The following MEGF11 variants were observed in gnomAD, a reference collection of about 807,000 sequenced individuals.
MEGF11 encodes the protein multiple EGF like domains 11, also known as multiple epidermal growth factor-like domains protein 11.
Under a neutral mutation model 146.6 loss-of-function variants are expected in MEGF11, and 126 were observed. The ratio of observed to expected loss-of-function variants is 0.86; its 90% CI spans 0.74 to 1.00. The LOEUF (loss-of-function observed/expected upper bound fraction) is 1.00. MEGF11 is among the 50% of genes least tolerant of loss of function. MEGF11 has a pLI of 0.00. For synonymous variants in MEGF11, 532 were observed against 583.4 expected (o/e 0.91, Z 1.27); for missense variants, 1,509 against 1,521.2 (o/e 0.99, Z 0.13).
chr15:65,922,177 C>G (rs2079192094), intron 15 of MEGF11, 161 bp downstream of exon 15: 1 of 765,566 alleles, frequency 1.3e-6, no homozygotes, highest in South Asian at 1.9e-5. Context: ...TTGTCTCATG[C>G]CATGTGGGGC....
chr15:66,075,739 G>C (rs2085548702), intron 5 of MEGF11, among the ~76,000 whole-genome samples: 1 of 152,222 alleles, frequency 6.6e-6, no homozygotes, highest in African/African-American at 2.4e-5. Context: ...AGATCCCTGA[G>C]CTCTCAGATA....
At chr15:66,236,229 G>A (rs1424291930) in intron 1 of MEGF11, among the ~76,000 whole-genome samples, 1 of 152,160 alleles carries the variant, frequency 6.6e-6, no homozygotes, top group Non-Finnish European at 1.5e-5. Context: ...GAAGCGGCTT[G>A]GTGCTACCCA....
At chr15:66,117,800 T>C (rs1269954041) in intron 4 of MEGF11, among the ~76,000 whole-genome samples, 1 of 152,186 alleles carries the variant, frequency 6.6e-6, no homozygotes, top group Non-Finnish European at 1.5e-5. Flanking sequence ...TCATCCTAGC[T>C]CAGTCCTCTG....
In MEGF11 at chr15:65,973,049, G is replaced by A. The variant is rs542082841; in HGVS notation, c.763-2360C>T. Among the ~76,000 whole-genome samples, 234 of 151,878 alleles carry A rather than the reference G, an allele frequency of 1.5e-3. 3 individuals carry two copies. The South Asian group carries it at 0.046, about 30-fold the overall frequency. ...GGAGAATCGCTTGAACCTGGGAGGT[G>A]GAGGTTGCAGTGAGCCAAGATCACA... On this transcript the variant is annotated intron_variant, in intron 7 of 25. Transcript: ENST00000395614.
chr15:65,921,911 C>T (rs1045350504), intron 15 of MEGF11: 37 of 187,632 alleles, frequency 2.0e-4, no homozygotes, highest in African/African-American at 6.7e-4. Flanking sequence ...CTGAATATGA[C>T]GGGGAGAAGG....
At chr15:66,088,230 T>C (rs1008678208) in intron 5 of MEGF11, among the ~76,000 whole-genome samples, 1 of 152,222 alleles carries the variant, frequency 6.6e-6, no homozygotes, top group Non-Finnish European at 1.5e-5. Flanking sequence ...GAGTCACAGC[T>C]GAATTCTACT....
intron 5 of MEGF11, among the ~76,000 whole-genome samples, chr15:66,033,078 C>CAAAAAA (rs60932678): frequency 1.2e-5 from 1 of 80,644 alleles, no homozygotes; most frequent in Non-Finnish European, 2.3e-5. Flanking sequence ...GAGACTCCAT[C>CAAAAAA]AAAAAAAAAA....
chr15:66,000,433 G>A (rs561848748), intron 5 of MEGF11, among the ~76,000 whole-genome samples: 15 of 152,174 alleles, frequency 9.9e-5, no homozygotes, highest in Non-Finnish European at 2.1e-4. Flanking sequence ...TTGGGAGGCC[G>A]ATGTGAAAGG....
chr15:65,934,080 A>G (rs1177477779), intron 10 of MEGF11, among the ~76,000 whole-genome samples: 1 of 151,986 alleles, frequency 6.6e-6, no homozygotes, highest in Admixed American at 6.6e-5. Context: ...ATCACCACAC[A>G]CTACAGGTAT....
At chr15:65,898,658 G>C in intron 25 of MEGF11, 70 bp downstream of exon 25, 1 of 1,595,466 alleles carries the variant, frequency 6.3e-7, no homozygotes, top group Middle Eastern at 2.3e-4. Context: ...TGAGTGGAGA[G>C]GGCTTGCTTT....
At chr15:66,038,339 T>C (rs570956475) in intron 5 of MEGF11, among the ~76,000 whole-genome samples, 50 of 152,290 alleles carry the variant, frequency 3.3e-4, no homozygotes, top group African/African-American at 1.1e-3. Flanking sequence ...TATTTGACCA[T>C]GGGCATGTCA....
At chr15:66,161,395 CT>C (rs921536995) in intron 1 of MEGF11, among the ~76,000 whole-genome samples, 1 of 151,266 alleles carries the variant, frequency 6.6e-6, no homozygotes, top group African/African-American at 2.4e-5. Context: ...ATAATCTCCA[CT>C]TTTTTTTTAG....
At chr15:66,208,502 G>A (rs1446730869) in intron 1 of MEGF11, among the ~76,000 whole-genome samples, 1 of 152,200 alleles carries the variant, frequency 6.6e-6, no homozygotes, top group East Asian at 1.9e-4. Flanking sequence ...AAATGTAAAT[G>A]TTCTAAATAC....
chr15:66,007,513 G>C (rs1487289609), intron 5 of MEGF11, among the ~76,000 whole-genome samples: 3 of 152,206 alleles, frequency 2.0e-5, no homozygotes, highest in Non-Finnish European at 4.4e-5. Flanking sequence ...ACCCTGGGAG[G>C]CTGAGGTGGG....
At chr15:66,217,872 C>T (rs985583896) in intron 1 of MEGF11, among the ~76,000 whole-genome samples, 2 of 152,204 alleles carry the variant, frequency 1.3e-5, no homozygotes, top group African/African-American at 4.8e-5. Context: ...CAGAGAGAGG[C>T]TTGGGCCTCA....
intron 1 of MEGF11, among the ~76,000 whole-genome samples, chr15:66,244,617 C>T (rs901802198): frequency 6.6e-6 from 1 of 152,116 alleles, no homozygotes; most frequent in Non-Finnish European, 1.5e-5. Flanking sequence ...CTCCCAGAGC[C>T]ACGCTTTCCT....
intron 23 of MEGF11, among the ~76,000 whole-genome samples, 160 bp from the exon 24 acceptor site, chr15:65,906,301 C>T (rs2078627359): frequency 6.6e-6 from 1 of 151,898 alleles, no homozygotes; most frequent in Non-Finnish European, 1.5e-5. Flanking sequence ...GTTTAATCTA[C>T]CTGAAATTGT....
rs2080613987 is a variant in MEGF11 at position 65,955,831 on chromosome 15, A to AAATATATATATATATATATATATAG, written c.1287+1715_1287+1716insCTATATATATATATATATATATATT. On this transcript the variant is annotated intron_variant, in intron 10 of 25. Coordinates refer to ENST00000395614, the MANE Select transcript of MEGF11 (RefSeq NM_001385028.1). ...ACACACACAATACTTTAAATATATA[A>AAATATATATATATATATATATATAG]CATGTAATCAATATAACAAAATGAT... Among the ~76,000 whole-genome samples, 3 of 65,086 alleles carry AAATATATATATATATATATATATAG rather than the reference A, an allele frequency of 4.6e-5. No individual in the cohort carries two copies. In the Admixed American group the frequency reaches 5.6e-4, roughly 12 times the overall value. 42.7% of individuals were successfully genotyped at this position (65,086 alleles called of 152,430 possible).
rs1363488069 is a variant in MEGF11 at position 66,197,876 on chromosome 15, A to T, written c.-9+55729T>A. Among the ~76,000 whole-genome samples the T allele has an allele frequency of 2.0e-5, 3 of 152,192 alleles. No homozygotes were observed. The East Asian group carries it at 5.8e-4, about 29-fold the overall frequency. On this transcript the variant is annotated intron_variant, in intron 1 of 25. Transcript: ENST00000395614. ...TTCTCCTGAGCCACCCCCCGCCTTA[A>T]CAAGGCCTCCAGGTTTCAAGAAATT...
Sources: allele counts gnomAD v4.1 joint callset (sites outside exome capture counted in the v4.1 genomes callset), GRCh38; gene constraint gnomAD v4.1.1; transcripts MANE v1.5; gene names NCBI Gene and HGNC (gene_info 2026-07-23, HGNC 2026-07-21).